Variants in HCRTR2 observed in about 807,000 individuals in gnomAD.
HCRTR2 encodes the protein orexin receptor type 2.
Under a neutral mutation model 49.0 loss-of-function variants are expected in HCRTR2, and 22 were observed. That is an observed-to-expected ratio of 0.45 (90% confidence interval 0.32 to 0.64). HCRTR2 has a LOEUF of 0.64. Ranked by LOEUF, HCRTR2 falls within the 30% of genes least tolerant of loss-of-function variation. The pLI is 0.04. For missense variants in HCRTR2, 491 were observed against 559.4 expected (o/e 0.88, Z 1.23); for synonymous variants, 236 against 205.3 (o/e 1.15, Z -1.28).
chr6:55,214,386 C>A (rs1287187667), intron 1 of HCRTR2, among the ~76,000 whole-genome samples: 1 of 152,140 alleles, frequency 6.6e-6, no homozygotes, highest in East Asian at 1.9e-4. Context: ...GACTTGAGTG[C>A]AGTGATGCAA....
chr6:55,107,689 C>G (rs1763994357), intron 1 of HCRTR2, among the ~76,000 whole-genome samples: 1 of 152,044 alleles, frequency 6.6e-6, no homozygotes, highest in Non-Finnish European at 1.5e-5. Context: ...CCTTTCTTAT[C>G]AAGTTTTACA....
At chr6:55,161,565 A>G (rs1319746832) in intron 1 of HCRTR2, among the ~76,000 whole-genome samples, 1 of 152,154 alleles carries the variant, frequency 6.6e-6, no homozygotes, top group Non-Finnish European at 1.5e-5. Flanking sequence ...GAAAAGATTA[A>G]CAAAATAGAT....
At chr6:55,234,922 GC>G (rs1176806502) in intron 1 of HCRTR2, among the ~76,000 whole-genome samples, 1 of 152,048 alleles carries the variant, frequency 6.6e-6, no homozygotes, top group Non-Finnish European at 1.5e-5. Flanking sequence ...GTTTACAATA[GC>G]CCTGAATTAG....
intron 2 of HCRTR2, among the ~76,000 whole-genome samples, chr6:55,251,185 T>G (rs917053980): frequency 2.7e-4 from 41 of 152,174 alleles, no homozygotes; most frequent in Non-Finnish European, 1.5e-4. Context: ...TGTTACATCA[T>G]GCCCAGCCAC....
chr6:55,215,422 T>C (rs1322647324), intron 1 of HCRTR2, among the ~76,000 whole-genome samples: 2 of 152,052 alleles, frequency 1.3e-5, no homozygotes, highest in African/African-American at 4.8e-5. Context: ...TTACAAGAAA[T>C]GCTAAATGAA....
At chr6:55,281,165 T>A (rs933734811) in intron 6 of HCRTR2, among the ~76,000 whole-genome samples, 6 of 152,164 alleles carry the variant, frequency 3.9e-5, no homozygotes, top group African/African-American at 1.2e-4. Flanking sequence ...AAATATATGG[T>A]GATTTTATGT....
intron 1 of HCRTR2, among the ~76,000 whole-genome samples, chr6:55,245,204 A>G (rs1156548359): frequency 1.3e-5 from 2 of 151,678 alleles, no homozygotes; most frequent in Non-Finnish European, 2.9e-5. Context: ...ACCACACTTA[A>G]GATATGTTTA....
chr6:55,167,517 T>C (rs1467807367), intron 1 of HCRTR2, among the ~76,000 whole-genome samples: 4 of 152,120 alleles, frequency 2.6e-5, no homozygotes, highest in Non-Finnish European at 5.9e-5. Flanking sequence ...TATGTTATTT[T>C]CAAGGAAAAG....
At chr6:55,120,344 G>C (rs1338002487) in intron 1 of HCRTR2, among the ~76,000 whole-genome samples, 1 of 151,930 alleles carries the variant, frequency 6.6e-6, no homozygotes, top group East Asian at 1.9e-4. Context: ...AATTACTTTG[G>C]GCAGTATGGC....
intron 4 of HCRTR2, among the ~76,000 whole-genome samples, chr6:55,269,878 C>A (rs1002061939): frequency 5.9e-5 from 9 of 152,096 alleles, no homozygotes; most frequent in African/African-American, 1.9e-4. Flanking sequence ...GCATGAGAAT[C>A]ATTTGAGCCT....
chr6:55,255,709 T>A (rs1766640403), intron 3 of HCRTR2, among the ~76,000 whole-genome samples: 1 of 152,156 alleles, frequency 6.6e-6, no homozygotes, highest in Non-Finnish European at 1.5e-5. Flanking sequence ...ACAAATCCGA[T>A]TATGTATTCT....
At chr6:55,119,802 T>C (rs74729437) in intron 1 of HCRTR2, among the ~76,000 whole-genome samples, 11 of 152,220 alleles carry the variant, frequency 7.2e-5, no homozygotes, top group African/African-American at 2.4e-4. Flanking sequence ...TTTTTGACTT[T>C]TGTTGCCATT....
At chr6:55,254,694 GT>G (rs1421754172) in intron 2 of HCRTR2, among the ~76,000 whole-genome samples, 4 of 151,308 alleles carry the variant, frequency 2.6e-5, no homozygotes, top group African/African-American at 9.7e-5. Flanking sequence ...AAATTTCTAT[GT>G]GGTAATTTAG....
intron 1 of HCRTR2, among the ~76,000 whole-genome samples, chr6:55,211,507 C>T (rs935322393): frequency 6.6e-5 from 10 of 152,238 alleles, no homozygotes; most frequent in Non-Finnish European, 1.2e-4. Flanking sequence ...AATCCACATT[C>T]TATTCAGTAT....
chr6:55,200,416 C>T (rs962688059), intron 1 of HCRTR2, among the ~76,000 whole-genome samples: 1 of 152,008 alleles, frequency 6.6e-6, no homozygotes, highest in East Asian at 1.9e-4. Flanking sequence ...AGGCGCACAC[C>T]ACCACACCCA....
intron 1 of HCRTR2, among the ~76,000 whole-genome samples, chr6:55,133,155 T>C (rs1764382096): frequency 6.6e-6 from 1 of 151,850 alleles, no homozygotes; most frequent in Non-Finnish European, 1.5e-5. Flanking sequence ...TTACCACCAA[T>C]AAGTAAAATG....
chr6:55,132,269 T>C (rs1303642754), intron 1 of HCRTR2, among the ~76,000 whole-genome samples: 3 of 151,896 alleles, frequency 2.0e-5, no homozygotes, highest in Non-Finnish European at 4.4e-5. Context: ...CCTAAACTCT[T>C]TCATAAAATG....
intron 1 of HCRTR2, among the ~76,000 whole-genome samples, chr6:55,143,174 T>C (rs1581792680): frequency 6.9e-6 from 1 of 145,328 alleles, no homozygotes; most frequent in Non-Finnish European, 1.5e-5. Flanking sequence ...AATTATAATA[T>C]AATTAAATAA....
At chr6:55,199,652 A>G (rs1368718554) in intron 1 of HCRTR2, among the ~76,000 whole-genome samples, 1 of 152,336 alleles carries the variant, frequency 6.6e-6, no homozygotes, top group Non-Finnish European at 1.5e-5. Flanking sequence ...TGTGTTCAAC[A>G]TCTCTTATGC....
Sources: allele counts gnomAD v4.1 joint callset (sites outside exome capture counted in the v4.1 genomes callset), GRCh38; gene constraint gnomAD v4.1.1; transcripts MANE v1.5; gene names NCBI Gene and HGNC (gene_info 2026-07-23, HGNC 2026-07-21).